Variants in TRIM2 observed in about 807,000 individuals in gnomAD.
TRIM2 encodes the protein tripartite motif-containing protein 2.
Under a neutral mutation model 75.2 loss-of-function variants are expected in TRIM2, and 20 were observed. That is an observed-to-expected ratio of 0.27 (90% CI 0.19 to 0.39). The LOEUF is 0.39. Among genes scored for constraint, TRIM2 ranks in the 10% least tolerant of loss-of-function variants. The pLI is 1.00. For missense variants in TRIM2, 660 were observed against 990.8 expected (o/e 0.67, Z 4.48); for synonymous variants, 373 against 388.3 (o/e 0.96, Z 0.46).
chr4:153,197,874 A>G (rs1733939249), intron 1 of TRIM2, among the ~76,000 whole-genome samples: 1 of 152,012 alleles, frequency 6.6e-6, no homozygotes, highest in Non-Finnish European at 1.5e-5. Flanking sequence ...ACTCCGTCTC[A>G]AAAAAAATTA....
At chr4:153,185,057 G>A (rs1262910828) in intron 1 of TRIM2, among the ~76,000 whole-genome samples, 1 of 152,214 alleles carries the variant, frequency 6.6e-6, no homozygotes, top group African/African-American at 2.4e-5. Flanking sequence ...TCCCCAGACA[G>A]GAATCTCGAC....
rs187919937 is a variant in TRIM2 at position 153,237,360 on chromosome 4, G to A, written c.30+32800G>A. ...TTAATGCTATTGTTTATGGCTCTTA[G>A]TTACTTAGGAGTGTGCATACTAATA... On this transcript the variant is annotated intron_variant, in intron 1 of 11. Coordinates refer to ENST00000338700, the MANE Select transcript of TRIM2 (RefSeq NM_015271.5). Among the ~76,000 whole-genome samples the A allele has an allele frequency of 3.4e-3, 460 of 136,852 alleles. 6 individuals carry two copies. The highest frequency in any genetic ancestry group is 0.013 in the African/African-American group (437 of 33,996). The allele number at this position is 136,852 out of a possible 152,430, so 89.8% of individuals were successfully genotyped here.
At chr4:153,221,015 T>C (rs1233808479) in intron 1 of TRIM2, among the ~76,000 whole-genome samples, 1 of 152,216 alleles carries the variant, frequency 6.6e-6, no homozygotes, top group Admixed American at 6.5e-5. Context: ...AATGAAAATA[T>C]ATGTCAACTC....
intron 1 of TRIM2, among the ~76,000 whole-genome samples, chr4:153,183,437 G>T (rs972098134): frequency 1.3e-5 from 2 of 152,206 alleles, no homozygotes; most frequent in African/African-American, 4.8e-5. Context: ...TTGGAGCAGC[G>T]ATGTGGAGCA....
intron 1 of TRIM2, chr4:153,257,636 T>G (rs1193159941): frequency 2.4e-6 from 3 of 1,260,726 alleles, no homozygotes; most frequent in Non-Finnish European, 3.1e-6. Context: ...TCTCTTTGCA[T>G]GGTGCTTCCC....
intron 3 of TRIM2, among the ~76,000 whole-genome samples, chr4:153,290,288 A>T (rs968805423): frequency 6.6e-6 from 1 of 152,214 alleles, no homozygotes; most frequent in Non-Finnish European, 1.5e-5. Flanking sequence ...AATATTTATG[A>T]TATGAGGCTT....
chr4:153,170,685 C>A (rs528361546), intron 1 of TRIM2, among the ~76,000 whole-genome samples: 2 of 152,244 alleles, frequency 1.3e-5, no homozygotes, highest in East Asian at 1.9e-4. Context: ...GCCTGGGAAA[C>A]CTACTCAGAG....
rs116182557 is a variant in TRIM2, at chr4:153,235,988, G to A, written c.30+31428G>A. ...GTGACATGTGTCGTGGGAGGGATCC[G>A]GTGGGGATCAAATCATGGGGGCAGT... On this transcript the variant is annotated intron_variant, in intron 1 of 11. Coordinates refer to ENST00000338700, the MANE Select transcript of TRIM2 (RefSeq NM_015271.5). Among the ~76,000 whole-genome samples, 838 of 152,134 alleles carry A rather than the reference G, an allele frequency of 5.5e-3. 8 individuals are homozygous for A. Among genetic ancestry groups the A allele is most frequent in the African/African-American group, 0.019 (772 of 41,516 alleles).
At chr4:153,296,641 G>C (rs1762832021) in intron 6 of TRIM2, among the ~76,000 whole-genome samples, 1 of 152,214 alleles carries the variant, frequency 6.6e-6, no homozygotes, top group African/African-American at 2.4e-5. Flanking sequence ...AGGCGGGGTT[G>C]GGGTGGAAGC....
chr4:153,240,124 A>G (rs1487698226), intron 1 of TRIM2, among the ~76,000 whole-genome samples: 2 of 151,980 alleles, frequency 1.3e-5, no homozygotes, highest in African/African-American at 4.8e-5. Flanking sequence ...ATAAGCCACC[A>G]CGCCTGGCCA....
At chr4:153,282,271 T>A (rs1172679503) in intron 3 of TRIM2, among the ~76,000 whole-genome samples, 1 of 152,254 alleles carries the variant, frequency 6.6e-6, no homozygotes, top group Non-Finnish European at 1.5e-5. Flanking sequence ...CACGAGCCTT[T>A]GAAAATGACT....
chr4:153,302,935 G>A (rs1178757154), intron 6 of TRIM2, among the ~76,000 whole-genome samples: 1 of 152,184 alleles, frequency 6.6e-6, no homozygotes, highest in Admixed American at 6.5e-5. Context: ...CATTTGAATA[G>A]GATAAGTTGT....
chr4:153,278,900 G>A lies in TRIM2; in HGVS notation c.453+2770G>A, dbSNP rs7656236. 5.1e-3 allele frequency among the ~76,000 whole-genome samples: 780 copies of A among 152,318 alleles called. 12 individuals are homozygous for A. The highest frequency in any genetic ancestry group is 0.018 in the African/African-American group (742 of 41,572). On this transcript the variant is annotated intron_variant, in intron 3 of 11. Coordinates refer to ENST00000338700, the MANE Select transcript of TRIM2 (RefSeq NM_015271.5). ...GCAACAGCTTATAGCTCAAGGAAGC[G>A]GCTAGAACATGGAGACAGCGGAGTT... is the stretch of plus-strand genomic sequence containing the variant.
intron 1 of TRIM2, among the ~76,000 whole-genome samples, chr4:153,161,609 C>T (rs1729745737): frequency 6.6e-6 from 1 of 152,192 alleles, no homozygotes; most frequent in South Asian, 2.1e-4. Flanking sequence ...CTTGGAGTTC[C>T]CTGCTTAGTG....
At chr4:153,188,887 C>T (rs1579407514) in intron 1 of TRIM2, among the ~76,000 whole-genome samples, 2 of 152,120 alleles carry the variant, frequency 1.3e-5, no homozygotes, top group Admixed American at 6.5e-5. Context: ...TCAAACTGTA[C>T]ATTTTATACC....
intron 3 of TRIM2, among the ~76,000 whole-genome samples, chr4:153,285,772 T>TGC (rs1226828981): frequency 6.6e-6 from 1 of 152,200 alleles, no homozygotes; most frequent in African/African-American, 2.4e-5. Context: ...TGTGTGTGTG[T>TGC]GTGTGTGTAT....
At chr4:153,161,090 C>T (rs912270153) in intron 1 of TRIM2, among the ~76,000 whole-genome samples, 1 of 152,192 alleles carries the variant, frequency 6.6e-6, no homozygotes, top group Non-Finnish European at 1.5e-5. Flanking sequence ...TCTTTGGACA[C>T]CCATTTACTG....
chr4:153,257,161 C>T (rs1560896804), intron 1 of TRIM2, among the ~76,000 whole-genome samples: 1 of 152,164 alleles, frequency 6.6e-6, no homozygotes, highest in Non-Finnish European at 1.5e-5. Flanking sequence ...TGTAGCACTC[C>T]CTGTACCTGC....
intron 1 of TRIM2, among the ~76,000 whole-genome samples, chr4:153,210,058 ATTTTTTT>A (rs761134144): frequency 1.2e-4 from 13 of 107,002 alleles, no homozygotes; most frequent in South Asian, 8.5e-4. Flanking sequence ...GGGTGATTTA[ATTTTTTT>A]TTTTTTTTTT....
Sources: allele counts gnomAD v4.1 joint callset (sites outside exome capture counted in the v4.1 genomes callset), GRCh38; gene constraint gnomAD v4.1.1; transcripts MANE v1.5; gene names NCBI Gene and HGNC (gene_info 2026-07-23, HGNC 2026-07-21).